The following UBE3A variants were observed in gnomAD, a reference collection of about 807,000 sequenced individuals.
UBE3A encodes the protein ubiquitin-protein ligase E3A.
UBE3A carries 6 observed loss-of-function variants against 83.4 expected under a neutral mutation model. The ratio of observed to expected loss-of-function variants is 0.07; its 90% confidence interval spans 0.04 to 0.14. The LOEUF (loss-of-function observed/expected upper bound fraction) is 0.14, where lower values mean the gene tolerates loss of function less well. UBE3A is among the 10% of genes least tolerant of loss of function. UBE3A has a pLI of 1.00. For synonymous variants in UBE3A, 337 were observed against 355.4 expected (o/e 0.95, Z 0.58); for missense variants, 456 against 1,036.1 (o/e 0.44, Z 7.69).
intron 1 of UBE3A, chr15:25,412,911 A>T (rs2090246666): frequency 6.3e-6 from 2 of 315,660 alleles, no homozygotes; most frequent in Non-Finnish European, 1.3e-5. Context: ...AAAGATTTTC[A>T]TTCAGTGCAT....
At chr15:25,362,586 T>C (rs1210236965) in intron 6 of UBE3A, among the ~76,000 whole-genome samples, 2 of 152,224 alleles carry the variant, frequency 1.3e-5, no homozygotes, top group Non-Finnish European at 2.9e-5. Context: ...AGGAACTTGA[T>C]ATAGACTAGT....
chr15:25,353,064 A>G (rs1446992561), intron 11 of UBE3A, among the ~76,000 whole-genome samples: 2 of 152,218 alleles, frequency 1.3e-5, no homozygotes, highest in African/African-American at 4.8e-5. Context: ...ACTAGAAATT[A>G]TATCTATGAT....
intron 7 of UBE3A, among the ~76,000 whole-genome samples, chr15:25,359,449 G>A (rs2077712983): frequency 6.6e-6 from 1 of 151,232 alleles, no homozygotes; most frequent in Admixed American, 6.6e-5. Flanking sequence ...GTGTGTGTGT[G>A]TGTGTGTGTG....
At chr15:25,388,246 A>G (rs2083558459) in intron 4 of UBE3A, among the ~76,000 whole-genome samples, 1 of 152,212 alleles carries the variant, frequency 6.6e-6, no homozygotes, top group Non-Finnish European at 1.5e-5. Context: ...AAATTTTACT[A>G]CAATGTATAA....
chr15:25,341,112 C>G (rs1233385340), intron 11 of UBE3A, among the ~76,000 whole-genome samples: 2 of 151,546 alleles, frequency 1.3e-5, no homozygotes, highest in African/African-American at 4.8e-5. Flanking sequence ...CTCTGTCGCT[C>G]AGGCTGGAGT....
chr15:25,376,036 G>A (rs1195359324), intron 4 of UBE3A, among the ~76,000 whole-genome samples: 1 of 151,972 alleles, frequency 6.6e-6, no homozygotes, highest in East Asian at 1.9e-4. Flanking sequence ...GGGGGGAGGG[G>A]GGCTTGTCTG....
chr15:25,396,037 T>C lies in UBE3A; in HGVS notation c.62+9424A>G, dbSNP rs2085487108. Among the ~76,000 whole-genome samples the C allele has an allele frequency of 2.0e-5, 3 of 151,986 alleles. No homozygotes were observed. The South Asian group carries it at 6.2e-4, about 32-fold the overall frequency. On this transcript the variant is annotated intron_variant, in intron 4 of 12. Transcript: ENST00000648336. Reference sequence around the variant, plus strand: ...GGCCAATATGGTGAAACTCTGTCTCTACTAAAAATACAAAATTAGCCAGGC... The same window carrying C: ...GGCCAATATGGTGAAACTCTGTCTCCACTAAAAATACAAAATTAGCCAGGC...
rs536496072 is a variant in UBE3A, at chr15:25,368,065, AC to A, written c.1608+2500del. ...CTTCTTTTCCACCCAACCCTGCTAT[AC>A]AATTCCAAAATTAGCAAGTCATAAA... On this transcript the variant is annotated intron_variant, in intron 6 of 12. Transcript: ENST00000648336. 4.6e-3 allele frequency among the ~76,000 whole-genome samples: 698 copies of A among 152,208 alleles called. 1 individual carries two copies. The highest frequency in any genetic ancestry group is 7.5e-3 in the Non-Finnish European group (512 of 67,960).
chr15:25,398,731 G>A (rs568017945), intron 4 of UBE3A, among the ~76,000 whole-genome samples: 4 of 139,892 alleles, frequency 2.9e-5, no homozygotes, highest in South Asian at 2.4e-4. Flanking sequence ...AGGAACATGG[G>A]AGTACAGATC....
At chr15:25,431,320 A>G (rs12592517) in intron 1 of UBE3A, among the ~76,000 whole-genome samples, 147,528 of 152,336 alleles carry the variant, frequency 0.97, 71,606 homozygotes, top group East Asian at 1. Flanking sequence ...ACTGAATTTG[A>G]ATGATCTTAA....
chr15:25,430,135 A>G lies in UBE3A; in HGVS notation c.-165+8354T>C, dbSNP rs1454371270. ...AATACATATATATAAGATTATATAT[A>G]TATTATATATATAATACATATATAT... On this transcript the variant is annotated intron_variant, in intron 1 of 12. Coordinates refer to ENST00000648336, the MANE Select transcript of UBE3A (RefSeq NM_130839.5). Among the ~76,000 whole-genome samples the G allele has an allele frequency of 4.1e-3, 267 of 65,170 alleles. 3 individuals carry two copies. Among genetic ancestry groups the G allele is most frequent in the Non-Finnish European group, 5.3e-3 (213 of 40,438 alleles). The allele number at this position is 65,170 out of a possible 152,430, so 42.8% of individuals were successfully genotyped here.
chr15:25,389,769 T>A (rs8040809), intron 4 of UBE3A, among the ~76,000 whole-genome samples: 93,658 of 151,872 alleles, frequency 0.62, 32,600 homozygotes, highest in Non-Finnish European at 0.78. Flanking sequence ...ACGGGTATAA[T>A]CCCAGCTACT....
At chr15:25,386,696 T>A (rs1030082097) in intron 4 of UBE3A, among the ~76,000 whole-genome samples, 37 of 149,242 alleles carry the variant, frequency 2.5e-4, no homozygotes, top group Non-Finnish European at 5.1e-4. Flanking sequence ...AAATCCGAAG[T>A]AAGCCAGAGG....
chr15:25,422,304 G>A (rs1890070589), intron 1 of UBE3A, among the ~76,000 whole-genome samples: 1 of 152,152 alleles, frequency 6.6e-6, no homozygotes, highest in African/African-American at 2.4e-5. Context: ...GAACTTTTTG[G>A]AGGTAATTCA....
intron 8 of UBE3A, 118 bp from the exon 9 acceptor site, chr15:25,356,174 T>A: frequency 7.9e-7 from 1 of 1,272,550 alleles, no homozygotes; most frequent in Non-Finnish European, 1.1e-6. Flanking sequence ...GTAAAAAGTG[T>A]AGACAGTATC....
chr15:25,382,093 C>T (rs2082269977), intron 4 of UBE3A, among the ~76,000 whole-genome samples: 1 of 152,100 alleles, frequency 6.6e-6, no homozygotes, highest in African/African-American at 2.4e-5. Flanking sequence ...CCGAGGCAGG[C>T]GGATCATGAG....
chr15:25,357,735 T>C (rs141979440), intron 7 of UBE3A, among the ~76,000 whole-genome samples: 599 of 152,228 alleles, frequency 3.9e-3, no homozygotes, highest in Admixed American at 0.011. Context: ...ATTTTCCTAA[T>C]AAAATCAGAT....
At position 25,339,070 on chromosome 15, in the gene UBE3A, T is replaced by TAA. The variant is rs2074268386; in HGVS notation, c.*65_*66dup. ...AAAAATTTATCCCTCGTTATATTTTTAAAATTTTTTAAATTTTTTCTTTTT... is the reference window on the plus strand; with the variant it reads ...AAAAATTTATCCCTCGTTATATTTTTAAAAAATTTTTTAAATTTTTTCTTTTT... On this transcript the variant is annotated 3_prime_UTR_variant, in exon 13 of 13. Coordinates refer to ENST00000648336, the MANE Select transcript of UBE3A (RefSeq NM_130839.5). The TAA allele has an allele frequency of 6.9e-6, 10 of 1,456,878 alleles. No homozygotes were observed. Among genetic ancestry groups the TAA allele is most frequent in the Non-Finnish European group, 9.0e-6 (10 of 1,107,372 alleles). 90.2% of individuals were successfully genotyped at this position (1,456,878 alleles called of 1,614,324 possible). A position where few individuals can be genotyped will look rare whatever the true frequency, so the allele number is the denominator to read the frequency against.
chr15:25,386,691 C>A, intron 4 of UBE3A, among the ~76,000 whole-genome samples: 1 of 149,546 alleles, frequency 6.7e-6, no homozygotes, highest in East Asian at 2.0e-4. Flanking sequence ...GAAAAAAATC[C>A]GAAGTAAGCC....
Sources: allele counts gnomAD v4.1 joint callset (sites outside exome capture counted in the v4.1 genomes callset), GRCh38; gene constraint gnomAD v4.1.1; transcripts MANE v1.5; gene names NCBI Gene and HGNC (gene_info 2026-07-23, HGNC 2026-07-21).